XRN2: variants seen among roughly 807,000 people sequenced by gnomAD.
XRN2 encodes the protein 5'-3' exoribonuclease 2, also known as DHM1-like protein.
In XRN2, 44 loss-of-function variants were observed where a neutral mutation model predicts 138.5. That is an observed-to-expected ratio of 0.32 (90% CI 0.25 to 0.41). The LOEUF (loss-of-function observed/expected upper bound fraction) is 0.41, where lower values mean the gene tolerates loss of function less well. Among genes scored for constraint, XRN2 ranks in the 10% least tolerant of loss-of-function variants. The probability of loss-of-function intolerance (pLI) is 1.00; values close to 1 mark genes in which losing one functional copy is unlikely to be tolerated. For synonymous variants in XRN2, 354 were observed against 369.4 expected, an observed-to-expected ratio of 0.96 and a Z score of 0.48; for missense variants, 937 against 1,169.3, an observed-to-expected ratio of 0.80 and a Z score of 2.90.
chr20:21,353,524 C>T (rs1455778921), intron 20 of XRN2, among the ~76,000 whole-genome samples: 1 of 151,572 alleles, frequency 6.6e-6, no homozygotes, highest in Non-Finnish European at 1.5e-5. Flanking sequence ...GGTGCAGTGG[C>T]TCATGCTTGT....
In XRN2 at chr20:21,366,139, CAT is replaced by C. The variant is rs1442070848; in HGVS notation, c.2456+441_2456+442del. 3.5e-3 allele frequency among the ~76,000 whole-genome samples: 229 copies of C among 64,864 alleles called. 4 individuals carry two copies. Among genetic ancestry groups the C allele is most frequent in the African/African-American group, 5.3e-3 (75 of 14,250 alleles). The allele number at this position is 64,864 out of a possible 152,430, so 42.6% of individuals were successfully genotyped here. A position where few individuals can be genotyped will look rare whatever the true frequency, so the allele number is the denominator to read the frequency against. ...TTATATTTATAGTTTATATATATAA[CAT>C]ATATAAATATATATTTATAGTTTAT... On this transcript the variant is annotated intron_variant, in intron 26 of 29. Coordinates refer to ENST00000377191, the MANE Select transcript of XRN2 (RefSeq NM_012255.5).
intron 15 of XRN2, among the ~76,000 whole-genome samples, chr20:21,342,137 A>T (rs1428844656): frequency 1.3e-5 from 2 of 152,204 alleles, no homozygotes; most frequent in Non-Finnish European, 2.9e-5. Context: ...TTCTAAATTT[A>T]AGGAAATTTT....
At chr20:21,348,482 A>T in intron 19 of XRN2, 52 bp downstream of exon 19, 1 of 1,522,924 alleles carries the variant, frequency 6.6e-7, no homozygotes, top group Non-Finnish European at 9.0e-7. Flanking sequence ...GTCACATTTT[A>T]TTCATATCAG....
intron 28 of XRN2, 91 bp downstream of exon 28, chr20:21,382,148 T>C: frequency 2.7e-6 from 3 of 1,104,246 alleles, no homozygotes; most frequent in Non-Finnish European, 3.8e-6. Context: ...CCTCTGTGGT[T>C]TGAAATGTAC....
chr20:21,387,329 C>G (rs2038947082), intron 29 of XRN2, among the ~76,000 whole-genome samples: 1 of 151,992 alleles, frequency 6.6e-6, no homozygotes, highest in Admixed American at 6.6e-5. Flanking sequence ...TCAATAGAAC[C>G]TAGATCCCTC....
At chr20:21,334,217 G>T (rs1173415546) in intron 13 of XRN2, 32 bp downstream of exon 13, 10 of 1,569,690 alleles carry the variant, frequency 6.4e-6, no homozygotes, top group Non-Finnish European at 8.7e-6. Flanking sequence ...AGCTAAAATT[G>T]CTCCTGTCTC....
At chr20:21,314,956 C>T (rs1600671646) in intron 1 of XRN2, among the ~76,000 whole-genome samples, 1 of 152,156 alleles carries the variant, frequency 6.6e-6, no homozygotes, top group Non-Finnish European at 1.5e-5. Flanking sequence ...AGGAAACATG[C>T]CCGGGGCAGA....
At chr20:21,368,380 G>C in intron 26 of XRN2, 83 bp from the exon 27 acceptor site, 1 of 1,535,938 alleles carries the variant, frequency 6.5e-7, no homozygotes, top group East Asian at 2.3e-5. Context: ...GTGGCTATGA[G>C]CATTTGTTTT....
At chr20:21,384,229 T>TG (rs971515499) in intron 28 of XRN2, among the ~76,000 whole-genome samples, 1 of 152,202 alleles carries the variant, frequency 6.6e-6, no homozygotes, top group African/African-American at 2.4e-5. Flanking sequence ...CCACATTGTT[T>TG]GGGTTCTTCT....
At chr20:21,323,238 A>G (rs1188281489) in intron 1 of XRN2, among the ~76,000 whole-genome samples, 1 of 152,050 alleles carries the variant, frequency 6.6e-6, no homozygotes, top group Admixed American at 6.5e-5. Context: ...TTTAGGTATC[A>G]CTCATCATTT....
intron 24 of XRN2, among the ~76,000 whole-genome samples, chr20:21,358,518 G>T (rs1166957538): frequency 6.6e-6 from 1 of 152,046 alleles, no homozygotes; most frequent in African/African-American, 2.4e-5. Flanking sequence ...AGGTATTCAA[G>T]AATTTGATAA....
At position 21,334,158 on chromosome 20, in the gene XRN2, C is replaced by A. The variant is rs748902255; in HGVS notation, c.1206C>A (p.Ser402Arg). 5.0e-6 allele frequency: 8 copies of A among 1,613,658 alleles called. No homozygotes were observed. The highest frequency in any genetic ancestry group is 6.8e-6 in the Non-Finnish European group (8 of 1,179,888). Residue 402 changes from serine to arginine, a missense_variant, in exon 13 of 30, where the codon AGC (serine) becomes AGA (arginine). Transcript: ENST00000377191. ...IMLAVGEVED[S>R]IFKKRKDDED... The stretch of plus-strand genomic sequence containing the variant: ...TAGCAGTTGGTGAAGTTGAGGATAG[C>A]ATTTTTAAAAAGAGAAAGGATGATG...
At chr20:21,376,322 T>C (rs1157542782) in intron 27 of XRN2, among the ~76,000 whole-genome samples, 1 of 152,098 alleles carries the variant, frequency 6.6e-6, no homozygotes, top group African/African-American at 2.4e-5. Context: ...CCCACTGCCC[T>C]CCAGCCTGGG....
intron 26 of XRN2, among the ~76,000 whole-genome samples, chr20:21,367,728 T>C (rs1257069435): frequency 6.6e-6 from 1 of 152,182 alleles, no homozygotes; most frequent in Non-Finnish European, 1.5e-5. Flanking sequence ...GTCATTGTTT[T>C]GGAAAAATCT....
intron 27 of XRN2, among the ~76,000 whole-genome samples, chr20:21,372,308 T>C (rs964936837): frequency 2.0e-5 from 3 of 152,188 alleles, no homozygotes; most frequent in South Asian, 2.1e-4. Context: ...AGCCAACAAG[T>C]GGGGAATTTG....
intron 24 of XRN2, 21 bp from the exon 25 acceptor site, chr20:21,365,400 T>C (rs113756739): frequency 1.9e-6 from 3 of 1,608,060 alleles, no homozygotes; most frequent in African/African-American, 2.7e-5. Context: ...GATCATTGAA[T>C]TGTTTCTTGT....
chr20:21,361,355 A>G (rs1432555209), intron 24 of XRN2, among the ~76,000 whole-genome samples: 1 of 152,216 alleles, frequency 6.6e-6, no homozygotes, highest in Non-Finnish European at 1.5e-5. Context: ...CTGTTATGCT[A>G]CTTGGGGGAA....
chr20:21,384,199 C>G (rs190140241), intron 28 of XRN2, among the ~76,000 whole-genome samples: 2 of 152,270 alleles, frequency 1.3e-5, no homozygotes, highest in East Asian at 3.9e-4. Context: ...ATTGGAGTTC[C>G]CTTTGTCACT....
At chr20:21,346,347 T>TA in intron 16 of XRN2, 68 bp from the exon 17 acceptor site, 9 of 1,582,760 alleles carry the variant, frequency 5.7e-6, no homozygotes, top group Non-Finnish European at 7.8e-6. Context: ...ATTTGGGGTA[T>TA]AAATTAGTAG....
Sources: gnomAD v4.1 joint callset for allele counts (sites outside exome capture counted in the v4.1 genomes callset) on GRCh38, gnomAD v4.1.1 for gene constraint, MANE v1.5 for transcripts, NCBI Gene and HGNC (gene_info 2026-07-23, HGNC 2026-07-21) for gene names.